POU6F2: variants seen among roughly 807,000 people sequenced by gnomAD.
The protein encoded by POU6F2 is POU class 6 homeobox 2.
In POU6F2, 31 loss-of-function variants were observed where a neutral mutation model predicts 71.3. The ratio of observed to expected loss-of-function variants is 0.43; its 90% CI spans 0.33 to 0.59. POU6F2 has a LOEUF of 0.59. POU6F2 is among the 20% of genes least tolerant of loss of function. POU6F2 has a pLI of 0.04. For missense variants in POU6F2, 783 were observed against 856.8 expected (o/e 0.91, Z 1.07); for synonymous variants, 347 against 355.7 (o/e 0.98, Z 0.27).
At chr7:39,056,658 C>CTG (rs1225739580) in intron 1 of POU6F2, among the ~76,000 whole-genome samples, 62 of 127,770 alleles carry the variant, frequency 4.9e-4, no homozygotes, top group African/African-American at 1.8e-3. Flanking sequence ...TTCTCTCTCT[C>CTG]TCTCTGTGTG....
intron 1 of POU6F2, among the ~76,000 whole-genome samples, chr7:39,074,480 C>A (rs574855281): frequency 2.7e-5 from 4 of 150,742 alleles, no homozygotes; most frequent in Non-Finnish European, 4.4e-5. Flanking sequence ...ACTTGTCCCC[C>A]CCTCAAAAAA....
chr7:39,174,577 C>T (rs1403646980), intron 2 of POU6F2, among the ~76,000 whole-genome samples: 1 of 152,152 alleles, frequency 6.6e-6, no homozygotes, highest in Non-Finnish European at 1.5e-5. Flanking sequence ...TATCCTATCA[C>T]GGCCAAAGCC....
At chr7:39,258,076 T>C (rs1284827279) in intron 4 of POU6F2, among the ~76,000 whole-genome samples, 5 of 152,190 alleles carry the variant, frequency 3.3e-5, no homozygotes, top group Non-Finnish European at 1.5e-5. Context: ...GTGCTATAAA[T>C]TGAGGCTGAA....
chr7:39,017,082 T>C (rs889748206), intron 1 of POU6F2, among the ~76,000 whole-genome samples: 2 of 152,206 alleles, frequency 1.3e-5, no homozygotes, highest in Non-Finnish European at 2.9e-5. Flanking sequence ...ATGTTGTTTT[T>C]TCTCCCTTAT....
rs145831366 is a variant in POU6F2, at chr7:38,991,431, C to A, written c.105+13373C>A. Among the ~76,000 whole-genome samples, 521 of 152,244 alleles carry A rather than the reference C, an allele frequency of 3.4e-3. 3 individuals carry two copies. Among genetic ancestry groups the A allele is most frequent in the African/African-American group, 0.012 (500 of 41,546 alleles). On this transcript the variant is annotated intron_variant, in intron 1 of 9. Coordinates refer to ENST00000518318, the MANE Select transcript of POU6F2 (RefSeq NM_001370959.1). The stretch of plus-strand genomic sequence containing the variant: ...CCCTGCATTTTGATCTTGGTACAGT[C>A]TACCAGTGGAAAGTTTGGGTCTGAG...
intron 2 of POU6F2, among the ~76,000 whole-genome samples, chr7:39,177,482 A>G (rs564938029): frequency 2.8e-4 from 42 of 152,374 alleles, no homozygotes; most frequent in African/African-American, 9.9e-4. Context: ...AGACAATCCA[A>G]GGATTGGGAA....
chr7:39,214,351 A>G (rs895150603), intron 4 of POU6F2, among the ~76,000 whole-genome samples: 1 of 151,704 alleles, frequency 6.6e-6, no homozygotes, highest in African/African-American at 2.4e-5. Flanking sequence ...CTGCCCCAGC[A>G]CTCCTGTCTC....
intron 4 of POU6F2, among the ~76,000 whole-genome samples, chr7:39,338,055 G>C (rs1226224597): frequency 6.6e-6 from 1 of 152,196 alleles, no homozygotes; most frequent in Admixed American, 6.5e-5. Flanking sequence ...TGGTATTTAA[G>C]TCAACCATGG....
intron 4 of POU6F2, among the ~76,000 whole-genome samples, chr7:39,285,778 G>A (rs1784639046): frequency 6.6e-6 from 1 of 152,196 alleles, no homozygotes; most frequent in Non-Finnish European, 1.5e-5. Context: ...AAGTTTCTCA[G>A]TAGCATCCCC....
At chr7:39,094,016 T>G (rs749779236) in intron 2 of POU6F2, among the ~76,000 whole-genome samples, 6 of 152,172 alleles carry the variant, frequency 3.9e-5, no homozygotes, top group Admixed American at 1.3e-4. Flanking sequence ...TTTTAGTTCA[T>G]GCTATCCATC....
At chr7:39,162,774 CTCAG>C (rs144841403) in intron 2 of POU6F2, among the ~76,000 whole-genome samples, 3,217 of 152,258 alleles carry the variant, frequency 0.021, 118 homozygotes, top group African/African-American at 0.074. Context: ...GGGGATAGTA[CTCAG>C]TATTTCCCAG....
intron 8 of POU6F2, among the ~76,000 whole-genome samples, chr7:39,455,498 C>T (rs1020199226): frequency 2.0e-5 from 3 of 152,106 alleles, no homozygotes; most frequent in Non-Finnish European, 4.4e-5. Flanking sequence ...TAAATATGCC[C>T]ATTATTTGCT....
At chr7:39,423,937 G>T (rs974766649) in intron 6 of POU6F2, among the ~76,000 whole-genome samples, 2 of 152,170 alleles carry the variant, frequency 1.3e-5, no homozygotes, top group African/African-American at 2.4e-5. Flanking sequence ...GGTCTGTTCT[G>T]GCTGCTGTAA....
chr7:39,051,467 T>C (rs1790398885), intron 1 of POU6F2, among the ~76,000 whole-genome samples: 1 of 152,140 alleles, frequency 6.6e-6, no homozygotes, highest in African/African-American at 2.4e-5. Context: ...CACTGAGGTA[T>C]GTGATAGGAA....
chr7:39,192,531 G>C (rs768809194), intron 2 of POU6F2, among the ~76,000 whole-genome samples: 16 of 152,170 alleles, frequency 1.1e-4, no homozygotes, highest in Non-Finnish European at 1.8e-4. Context: ...AGAGAGCAAT[G>C]ATATTGGGCT....
intron 7 of POU6F2, among the ~76,000 whole-genome samples, chr7:39,436,882 A>G (rs1434188456): frequency 1.3e-5 from 2 of 152,212 alleles, no homozygotes; most frequent in Non-Finnish European, 2.9e-5. Flanking sequence ...TAAGATAATC[A>G]TGTGGTTTTT....
At chr7:39,089,347 G>A (rs1217413603) in intron 2 of POU6F2, among the ~76,000 whole-genome samples, 1 of 152,170 alleles carries the variant, frequency 6.6e-6, no homozygotes, top group Non-Finnish European at 1.5e-5. Context: ...GTAAGAAACA[G>A]TATAGAGGAG....
intron 1 of POU6F2, among the ~76,000 whole-genome samples, chr7:39,004,461 T>A (rs1274529522): frequency 2.0e-5 from 3 of 152,234 alleles, no homozygotes; most frequent in Non-Finnish European, 4.4e-5. Context: ...TCCACTAAAT[T>A]GGTGCCTCTG....
At chr7:39,119,352 G>T (rs148718708) in intron 2 of POU6F2, among the ~76,000 whole-genome samples, 8 of 152,282 alleles carry the variant, frequency 5.3e-5, no homozygotes, top group Admixed American at 5.2e-4. Context: ...CCAACAAACT[G>T]TCAGAAATAA....
Sources: allele counts gnomAD v4.1 joint callset (sites outside exome capture counted in the v4.1 genomes callset), GRCh38; gene constraint gnomAD v4.1.1; transcripts MANE v1.5; gene names NCBI Gene and HGNC (gene_info 2026-07-23, HGNC 2026-07-21).